LGALS12: variants seen among roughly 807,000 people sequenced by gnomAD.
The protein encoded by LGALS12 is galectin-12.
In LGALS12, 36 loss-of-function variants were observed where a neutral mutation model predicts 36.8. The ratio of observed to expected loss-of-function variants is 0.98; its 90% CI spans 0.75 to 1.29. The LOEUF (loss-of-function observed/expected upper bound fraction) is 1.29, where lower values mean the gene tolerates loss of function less well. LGALS12 is among the 50% of genes most tolerant of loss of function. The pLI, the probability that LGALS12 is intolerant of heterozygous loss-of-function variation, is 0.00. For synonymous variants in LGALS12, 145 were observed against 155.9 expected, an observed-to-expected ratio of 0.93 and a Z score of 0.52; for missense variants, 366 against 394.3, an observed-to-expected ratio of 0.93 and a Z score of 0.61.
chr11:63,510,808 G>A (rs2016896189), intron 5 of LGALS12, among the ~76,000 whole-genome samples: 1 of 152,332 alleles, frequency 6.6e-6, no homozygotes, highest in Non-Finnish European at 1.5e-5. Context: ...GGCTGGGGTT[G>A]GTCTTGCGGG....
rs536636923 is a variant in LGALS12, at chr11:63,515,083, A to C, written c.648-480A>C. Among the ~76,000 whole-genome samples, 201 of 152,294 alleles carry C rather than the reference A, an allele frequency of 1.3e-3. 1 individual carries two copies. Among genetic ancestry groups the C allele is most frequent in the African/African-American group, 4.5e-3 (187 of 41,552 alleles). ...CAGATGAGGAAACTGAGGCACAGAG[A>C]GATTAAGAGTCTTGCCCAAGGTCAC... On this transcript the variant is annotated intron_variant, in intron 7 of 8. Transcript: ENST00000394618.
Position 63,515,651 on chromosome 11 carries a change from C to T in LGALS12, c.736C>T (p.Arg246Cys), listed in dbSNP as rs768168328. The T allele has an allele frequency of 5.0e-6, 8 of 1,614,226 alleles. No individual in the cohort carries two copies. Among genetic ancestry groups the T allele is most frequent in the South Asian group, 4.4e-5 (4 of 91,092 alleles). ...FADRTLAWISRWGQKKLISAP... is the reference protein window; with the variant it reads ...FADRTLAWISCWGQKKLISAP... ...AGACAGAACTCTGGCCTGGATCTCCCGCTGGGGGCAGAAGAAACTGATCTC... is the reference window on the plus strand; with the variant it reads ...AGACAGAACTCTGGCCTGGATCTCCTGCTGGGGGCAGAAGAAACTGATCTC... The change falls in exon 8 of 9, where the codon CGC (arginine) becomes TGC (cysteine). Residue 246 changes from arginine to cysteine, a missense_variant. Coordinates refer to ENST00000394618, the MANE Select transcript of LGALS12 (RefSeq NM_033101.4).
chr11:63,506,440 T>C lies in LGALS12; in HGVS notation c.-19T>C. ...GGGCTCCTGGAACGAGGATCTACAG[T>C]TGGAGTTGCCCCACTGTCATGTCAC... On this transcript the variant is annotated 5_prime_UTR_variant, in exon 1 of 9. Transcript: ENST00000394618. 6.2e-7 allele frequency: 1 copy of C among 1,614,192 alleles called. No individual in the cohort carries two copies. The highest frequency in any genetic ancestry group is 1.3e-5 in the African/African-American group (1 of 75,048).
At chr11:63,507,532 G>A (rs1010200837) in intron 1 of LGALS12, among the ~76,000 whole-genome samples, 5 of 152,012 alleles carry the variant, frequency 3.3e-5, no homozygotes, top group East Asian at 1.9e-4. Context: ...CCAACCAGTC[G>A]CTCTAAGCCA....
rs370628899 is a variant in LGALS12, at chr11:63,510,083, G to A, written c.492+186G>A. The stretch of plus-strand genomic sequence containing the variant: ...TGAGTGGGCTGAGGGGGAAGAGAAA[G>A]TGATGGCAGAAAGGGTGTCCAGGAG... On this transcript the variant is annotated intron_variant, in intron 4 of 8. Transcript: ENST00000394618. 1.4e-3 allele frequency among the ~76,000 whole-genome samples: 207 copies of A among 152,324 alleles called. 1 individual carries two copies. The highest frequency in any genetic ancestry group is 4.9e-3 in the African/African-American group (202 of 41,572).
intron 6 of LGALS12, 75 bp from the exon 7 acceptor site, chr11:63,511,677 C>T (rs1318587896): frequency 1.3e-5 from 14 of 1,072,978 alleles, no homozygotes; most frequent in Non-Finnish European, 2.0e-5. Context: ...CAGTGCTCCC[C>T]TGGCCCCCGG....
At chr11:63,510,579 G>A in intron 5 of LGALS12, 78 bp downstream of exon 5, 1 of 1,394,138 alleles carries the variant, frequency 7.2e-7, no homozygotes, top group South Asian at 1.2e-5. Flanking sequence ...CATTACACAA[G>A]GCCCAGCTGC....
At chr11:63,514,346 C>A (rs1026322401) in intron 7 of LGALS12, among the ~76,000 whole-genome samples, 2 of 152,118 alleles carry the variant, frequency 1.3e-5, no homozygotes, top group Non-Finnish European at 2.9e-5. Context: ...CCAAGGTGGG[C>A]AGATCACAAG....
At position 63,510,521 on chromosome 11, in the gene LGALS12, G is replaced by T. The variant is rs1424294148; in HGVS notation, c.531+20G>T. 22 of 1,612,812 alleles carry T rather than the reference G, an allele frequency of 1.4e-5. No individual in the cohort carries two copies. Among genetic ancestry groups the T allele is most frequent in the Non-Finnish European group, 1.8e-5 (21 of 1,179,372 alleles). Reference sequence around the variant, plus strand: ...GGACATGTGAGTTTCTTGGCAGCAAGGTCTGAGCAGCCACACCAGCTGACC... The same window carrying T: ...GGACATGTGAGTTTCTTGGCAGCAATGTCTGAGCAGCCACACCAGCTGACC... On this transcript the variant is annotated intron_variant, in intron 5 of 8. Coordinates refer to ENST00000394618, the MANE Select transcript of LGALS12 (RefSeq NM_033101.4).
chr11:63,508,568 A>T lies in LGALS12; in HGVS notation c.85A>T (p.Thr29Ser). The change falls in exon 2 of 9, where the codon ACG becomes TCG. Residue 29 changes from threonine (T) to serine (S), a missense_variant. Transcript: ENST00000394618. Reference sequence around the variant, plus strand: ...TCTTGTTCAGGTGGTTCCTTATGTCACGACGATTTTTGGAGGCCTGCATGC... The same window carrying T: ...TCTTGTTCAGGTGGTTCCTTATGTCTCGACGATTTTTGGAGGCCTGCATGC... ...PVFHPVVPYV[T>S]TIFGGLHAGK... 1 of 1,614,064 alleles carries T rather than the reference A, an allele frequency of 6.2e-7. No individual in the cohort carries two copies. The highest frequency in any genetic ancestry group is 8.5e-7 in the Non-Finnish European group (1 of 1,180,012).
At position 63,506,707 on chromosome 11, in the gene LGALS12, T is replaced by C. The variant is rs550110191; in HGVS notation, c.69+180T>C. ...AAAGTGGCTGACTGCTAATTCCCAC[T>C]TGGGTGTAAATGACTGCTAGGCTTC... On this transcript the variant is annotated intron_variant, in intron 1 of 8. Transcript: ENST00000394618. Among the ~76,000 whole-genome samples, 3 of 152,314 alleles carry C rather than the reference T, an allele frequency of 2.0e-5. No homozygotes were observed. The East Asian group carries it at 5.8e-4, about 29-fold the overall frequency.
rs758008462 is a variant in LGALS12, at chr11:63,509,818, G to A, written c.413G>A (p.Arg138Gln). 24 of 1,614,030 alleles carry A rather than the reference G, an allele frequency of 1.5e-5. No homozygotes were observed. Among genetic ancestry groups the A allele is most frequent in the Admixed American group, 3.3e-5 (2 of 59,990 alleles). ...CAGCACTTTCTCCACTTCCGCTACC[G>A]GCTCCCACTGTCTCATGTGGACACG... ...NGQHFLHFRY[R>Q]LPLSHVDTLG... The change falls in exon 4 of 9, where the codon CGG becomes CAG. Residue 138 changes from arginine (R) to glutamine (Q), a missense_variant. Arg to Gln is a conservative substitution (Grantham distance 43, BLOSUM62 1). Transcript: ENST00000394618.
chr11:63,509,159 G>A (rs1565225464), intron 3 of LGALS12, among the ~76,000 whole-genome samples, 168 bp downstream of exon 3: 2 of 152,232 alleles, frequency 1.3e-5, no homozygotes, highest in Non-Finnish European at 1.5e-5. Flanking sequence ...GGGCCCACAT[G>A]GCAGCAAGAA....
At chr11:63,511,211 T>A (rs753043227) in intron 6 of LGALS12, 106 bp downstream of exon 6, 10 of 1,097,080 alleles carry the variant, frequency 9.1e-6, no homozygotes, top group Non-Finnish European at 1.4e-5. Flanking sequence ...GGATTTCCCC[T>A]TCCTTTATAG....
At chr11:63,510,032 G>A (rs968102138) in intron 4 of LGALS12, 135 bp downstream of exon 4, 16 of 1,107,016 alleles carry the variant, frequency 1.4e-5, no homozygotes, top group Non-Finnish European at 1.9e-5. Flanking sequence ...AGCCAAGGGG[G>A]AGGGAGTCCA....
intron 5 of LGALS12, 102 bp downstream of exon 5, chr11:63,510,603 G>T: frequency 1.8e-6 from 2 of 1,111,294 alleles, no homozygotes; most frequent in Non-Finnish European, 2.7e-6. Context: ...TTCCCTCACT[G>T]CTGCGGTTGC....
In LGALS12 at chr11:63,511,044, C is replaced by T. The variant is rs138157635; in HGVS notation, c.532-35C>T. ...TTTCCCTTTTCCTGAGCAAATACCA[C>T]ATGGCCTTGTGTCCTCTCTTTCTTT... On this transcript the variant is annotated intron_variant, in intron 5 of 8. Coordinates refer to ENST00000394618, the MANE Select transcript of LGALS12 (RefSeq NM_033101.4). 6.1e-3 allele frequency: 9,861 copies of T among 1,609,866 alleles called. 37 individuals carry two copies. The highest frequency in any genetic ancestry group is 7.4e-3 in the Non-Finnish European group (8,690 of 1,176,336).
intron 8 of LGALS12, 134 bp downstream of exon 8, chr11:63,515,847 A>G: frequency 5.5e-6 from 5 of 904,804 alleles, no homozygotes; most frequent in Non-Finnish European, 8.3e-6. Context: ...AGCAGAGCAC[A>G]GCGAATGTCT....
rs189744804 is a variant in LGALS12 at position 63,514,451 on chromosome 11, G to A, written c.648-1112G>A. ...TGGGCGGTGCGGGCATGCGCCTGTA[G>A]TCCCAGCTACTCCGGAGGCTGAGGC... On this transcript the variant is annotated intron_variant, in intron 7 of 8. Transcript: ENST00000394618. 7.3e-3 allele frequency among the ~76,000 whole-genome samples: 1,116 copies of A among 152,208 alleles called. 15 individuals carry two copies. Among genetic ancestry groups the A allele is most frequent in the Middle Eastern group, 0.027 (8 of 294 alleles).
Sources: allele counts gnomAD v4.1 joint callset (sites outside exome capture counted in the v4.1 genomes callset), GRCh38; gene constraint gnomAD v4.1.1; transcripts MANE v1.5; gene names NCBI Gene and HGNC (gene_info 2026-07-23, HGNC 2026-07-21).